HDAC9: variants seen among roughly 807,000 people sequenced by gnomAD.
HDAC9 encodes the protein histone deacetylase 9.
In HDAC9, 41 loss-of-function variants were observed where a neutral mutation model predicts 139.4. That is an observed-to-expected ratio of 0.29 (90% CI 0.23 to 0.38). The LOEUF (loss-of-function observed/expected upper bound fraction) is 0.38. Among genes scored for constraint, HDAC9 ranks in the 10% least tolerant of loss-of-function variants. HDAC9 has a pLI of 1.00. For synonymous variants in HDAC9, 517 were observed against 476.2 expected (o/e 1.09, Z -1.12); for missense variants, 1,147 against 1,297.0 (o/e 0.88, Z 1.78).
chr7:18,810,672 C>T lies in HDAC9; in HGVS notation c.2322+17220C>T, dbSNP rs557393438. 1.5e-4 allele frequency among the ~76,000 whole-genome samples: 23 copies of T among 151,980 alleles called. No homozygotes were observed. The South Asian group carries it at 4.8e-3, about 31-fold the overall frequency. ...CACCCCAGAAAGTTCCTTCATGTCCCTGGTAGTAGACCTAGATCATAGGCA... is the reference window on the plus strand; with the variant it reads ...CACCCCAGAAAGTTCCTTCATGTCCTTGGTAGTAGACCTAGATCATAGGCA... On this transcript the variant is annotated intron_variant, in intron 17 of 25. Transcript: ENST00000686413.
chr7:18,742,600 G>C (rs1787562378), intron 13 of HDAC9, among the ~76,000 whole-genome samples: 1 of 151,976 alleles, frequency 6.6e-6, no homozygotes, highest in Non-Finnish European at 1.5e-5. Context: ...AGGTATTCCT[G>C]TATTTGGTTA....
At chr7:18,867,385 G>A (rs1215739397) in intron 21 of HDAC9, among the ~76,000 whole-genome samples, 1 of 152,144 alleles carries the variant, frequency 6.6e-6, no homozygotes, top group Non-Finnish European at 1.5e-5. Context: ...CTTTGCAAAA[G>A]TACATTGTCA....
intron 1 of HDAC9, among the ~76,000 whole-genome samples, chr7:18,363,108 C>T (rs1042676121): frequency 6.6e-6 from 1 of 152,156 alleles, no homozygotes; most frequent in African/African-American, 2.4e-5. Flanking sequence ...AAAGTAATTA[C>T]AACCATTAGT....
chr7:18,647,789 C>T lies in HDAC9; in HGVS notation c.1040C>T (p.Ser347Leu), dbSNP rs1329527593. The change falls in exon 10 of 26, where the codon TCG (serine) becomes TTG (leucine). Residue 347 changes from serine (S) to leucine (L), a missense_variant. Physicochemically the swap from Ser to Leu is moderately radical, Grantham distance 145 (BLOSUM62 -2). Coordinates refer to ENST00000686413, the MANE Select transcript of HDAC9 (RefSeq NM_178425.4). Reference sequence around the variant, plus strand: ...CTTTGTTATTTCTCAACACAGGCTTCGAATTCACTCAAAGAAAAGCAGAAG... The same window carrying T: ...CTTTGTTATTTCTCAACACAGGCTTTGAATTCACTCAAAGAAAAGCAGAAG... ...LPAVPSQLNA[S>L]NSLKEKQKCE... is the part of the protein sequence containing the mutation. 2 of 1,605,834 alleles carry T rather than the reference C, an allele frequency of 1.2e-6. No individual in the cohort carries two copies. The highest frequency in any genetic ancestry group is 2.3e-5 in the East Asian group (1 of 44,404).
rs1320300833 is a variant in HDAC9, at chr7:18,875,590, GTAT to G, written c.2803+999_2803+1001del. Among the ~76,000 whole-genome samples, 10 of 152,110 alleles carry G rather than the reference GTAT, an allele frequency of 6.6e-5. No individual in the cohort carries two copies. The East Asian group carries it at 1.9e-3, about 29-fold the overall frequency. On this transcript the variant is annotated intron_variant, in intron 22 of 25. Transcript: ENST00000686413. ...GTTAGGTAGTAACTATTTTTAACAT[GTAT>G]TATTTACCCAGGATTCTTTGTGCCT...
intron 22 of HDAC9, among the ~76,000 whole-genome samples, chr7:18,881,686 G>C (rs1418786641): frequency 1.3e-5 from 2 of 151,982 alleles, no homozygotes; most frequent in Non-Finnish European, 2.9e-5. Context: ...CCTGACTATG[G>C]TCTTTAAATG....
intron 17 of HDAC9, among the ~76,000 whole-genome samples, chr7:18,819,162 C>T (rs1794783231): frequency 2.0e-5 from 3 of 152,130 alleles, no homozygotes; most frequent in South Asian, 4.1e-4. Context: ...CACTTGCAAT[C>T]CCAGCTACTC....
chr7:18,248,978 A>G lies in HDAC9; in HGVS notation c.25+86629A>G, dbSNP rs375094480. 3.3e-5 allele frequency among the ~76,000 whole-genome samples: 5 copies of G among 152,346 alleles called. No individual in the cohort carries two copies. The East Asian group carries it at 5.8e-4, about 18-fold the overall frequency. ...ATTTAATCAAATAAACAACTATGCT[A>G]CTTGCTCTAACTTACTTTTCTGGCT... is the stretch of plus-strand genomic sequence containing the variant. On this transcript the variant is annotated intron_variant, in intron 2 of 12. Coordinates refer to the HDAC9 transcript ENST00000417496.
chr7:18,880,972 G>A (rs1799697053), intron 22 of HDAC9, among the ~76,000 whole-genome samples: 1 of 151,616 alleles, frequency 6.6e-6, no homozygotes. Context: ...TTAGCAATGA[G>A]AAAGCATAAT....
At chr7:18,811,061 C>T (rs935361390) in intron 17 of HDAC9, among the ~76,000 whole-genome samples, 13 of 151,728 alleles carry the variant, frequency 8.6e-5, no homozygotes, top group Non-Finnish European at 3.0e-5. Context: ...AAACTATTTT[C>T]CAAAGTAATT....
chr7:18,672,863 C>T (rs138937379), intron 12 of HDAC9, among the ~76,000 whole-genome samples: 4 of 151,798 alleles, frequency 2.6e-5, no homozygotes, highest in East Asian at 3.9e-4. Context: ...AAAGTAATTG[C>T]GGTTTTTGCA....
chr7:18,986,735 C>T (rs1255822210), intron 25 of HDAC9, among the ~76,000 whole-genome samples: 1 of 152,170 alleles, frequency 6.6e-6, no homozygotes, highest in East Asian at 1.9e-4. Context: ...TTTGTATCCT[C>T]TTTTATTTCC....
chr7:18,650,940 G>A (rs1378791660), intron 11 of HDAC9, among the ~76,000 whole-genome samples: 3 of 152,044 alleles, frequency 2.0e-5, no homozygotes, highest in Non-Finnish European at 2.9e-5. Flanking sequence ...TATTCACGTT[G>A]GGTATTCTCC....
At chr7:18,688,897 C>A (rs1028145483) in intron 12 of HDAC9, among the ~76,000 whole-genome samples, 8 of 151,796 alleles carry the variant, frequency 5.3e-5, no homozygotes, top group Non-Finnish European at 8.8e-5. Context: ...CTGGCAAAAA[C>A]CATTTTCCAC....
chr7:18,676,054 A>G (rs1247541956), intron 12 of HDAC9, among the ~76,000 whole-genome samples: 1 of 151,756 alleles, frequency 6.6e-6, no homozygotes, highest in Non-Finnish European at 1.5e-5. Flanking sequence ...TGGATAAGCT[A>G]TGTCTGTGCC....
chr7:18,971,812 G>C (rs1585441072), intron 24 of HDAC9, among the ~76,000 whole-genome samples: 1 of 152,142 alleles, frequency 6.6e-6, no homozygotes. Context: ...AACTTAGCAG[G>C]ATATTTTATA....
intron 2 of HDAC9, among the ~76,000 whole-genome samples, chr7:18,554,327 CTTTTTTTTTTTT>C (rs34326798): frequency 4.1e-4 from 24 of 58,338 alleles, no homozygotes; most frequent in African/African-American, 5.1e-4. Context: ...TTACAGATCA[CTTTTTTTTTTTT>C]TTTTTTTTTT....
rs1252311687 is a variant in HDAC9 at position 18,382,926 on chromosome 7, TAC to T, written c.-42+92421_-42+92422del. Among the ~76,000 whole-genome samples, 7 of 152,146 alleles carry T rather than the reference TAC, an allele frequency of 4.6e-5. No individual in the cohort carries two copies. The South Asian group carries it at 8.3e-4, about 18-fold the overall frequency. On this transcript the variant is annotated intron_variant, in intron 1 of 3. Transcript: ENST00000413509. ...GTATATAAATGTGCAAATACAAATA[TAC>T]ACACACACATATTTTCTTTTTAATT...
At chr7:18,095,897 T>A (rs2128064211) in intron 1 of HDAC9, among the ~76,000 whole-genome samples, 1 of 152,348 alleles carries the variant, frequency 6.6e-6, no homozygotes, top group African/African-American at 2.4e-5. Context: ...TCTATTTCTA[T>A]GTTTTATATC....
Sources: gnomAD v4.1 joint callset for allele counts (sites outside exome capture counted in the v4.1 genomes callset) on GRCh38, gnomAD v4.1.1 for gene constraint, MANE v1.5 for transcripts, NCBI Gene and HGNC (gene_info 2026-07-23, HGNC 2026-07-21) for gene names.